CFL1: variants seen among roughly 807,000 people sequenced by gnomAD.
The protein encoded by CFL1 is cofilin 1, also known as cofilin-1.
Under a neutral mutation model 16.3 loss-of-function variants are expected in CFL1, and 2 were observed. The observed-to-expected ratio is 0.12, with a 90% CI of 0.05 to 0.39. CFL1 has a LOEUF of 0.39. Ranked by LOEUF, CFL1 falls within the 10% of genes least tolerant of loss-of-function variation. The pLI is 0.99. For missense variants in CFL1, 75 were observed against 212.2 expected, an observed-to-expected ratio of 0.35 and a Z score of 4.02; for synonymous variants, 111 against 84.4, an observed-to-expected ratio of 1.31 and a Z score of -1.73.
chr11:65,855,073 T>G lies in CFL1; in HGVS notation c.*263A>C. On this transcript the variant is annotated 3_prime_UTR_variant, in exon 4 of 4. Transcript: ENST00000308162. ...AATACAGGCTCCCCCACAACTGGGG[T>G]GCCTGGGGGGAACTTGGTCTGCTTC... 1 of 429,802 alleles carries G rather than the reference T, an allele frequency of 2.3e-6. No individual in the cohort carries two copies. The highest frequency in any genetic ancestry group is 4.3e-6 in the Non-Finnish European group (1 of 232,996). 26.6% of individuals were successfully genotyped at this position (429,802 alleles called of 1,614,324 possible). A position where few individuals can be genotyped will look rare whatever the true frequency, so the allele number is the denominator to read the frequency against.
intron 1 of CFL1, chr11:65,856,778 C>T (rs1565259625): frequency 6.4e-6 from 1 of 155,686 alleles, no homozygotes; most frequent in African/African-American, 2.4e-5. Context: ...TAGGCTCTTT[C>T]CCAACCAAGA....
At chr11:65,857,791 G>A (rs1252618798) in intron 1 of CFL1, 1 of 208,148 alleles carries the variant, frequency 4.8e-6, no homozygotes, top group Non-Finnish European at 9.5e-6. Flanking sequence ...GCGCGACGCC[G>A]GCCGTTCCGC....
At chr11:65,857,418 C>T (rs1474013573) in intron 1 of CFL1, 1 of 436,848 alleles carries the variant, frequency 2.3e-6, no homozygotes, top group Admixed American at 2.4e-5. Flanking sequence ...TTCCAGCCCT[C>T]GCCCGATGCA....
chr11:65,858,138 A>C lies in CFL1; in HGVS notation c.-39T>G, dbSNP rs771359919. On this transcript the variant is annotated 5_prime_UTR_variant, in exon 1 of 4. Transcript: ENST00000308162. The stretch of plus-strand genomic sequence containing the variant: ...AAAAGGAGAGGGCACCGAGAGCCGC[A>C]GAAGACGAGAGCGCTGCAGCCGCTG... 2 of 1,519,428 alleles carry C rather than the reference A, an allele frequency of 1.3e-6. No individual in the cohort carries two copies. Among genetic ancestry groups the C allele is most frequent in the South Asian group, 1.2e-5 (1 of 81,140 alleles). 94.1% of individuals were successfully genotyped at this position (1,519,428 alleles called of 1,614,324 possible).
chr11:65,857,254 G>A (rs1168588274), intron 1 of CFL1: 4 of 282,578 alleles, frequency 1.4e-5, no homozygotes, highest in South Asian at 2.4e-5. Context: ...GTATACAGGG[G>A]GCGGGGTGGT....
Position 65,855,740 on chromosome 11 carries a change from AAC to A in CFL1, c.312-12_312-11del. 6.5e-7 allele frequency: 1 copy of A among 1,534,566 alleles called. No individual in the cohort carries two copies. The highest frequency in any genetic ancestry group is 8.8e-7 in the Non-Finnish European group (1 of 1,142,292). On this transcript the variant is annotated splice_polypyrimidine_tract_variant and intron_variant, in intron 2 of 3. Transcript: ENST00000308162. Reference sequence around the variant, plus strand: ...CGCAGACTCGGGGGCCCTGGACAGAAACACGCGTCAGGCAACTCCCAGCAACA... The same window carrying A: ...CGCAGACTCGGGGGCCCTGGACAGAAACGCGTCAGGCAACTCCCAGCAACA...
At chr11:65,856,654 G>A (rs1026459632) in intron 1 of CFL1, 4 of 223,830 alleles carry the variant, frequency 1.8e-5, no homozygotes, top group East Asian at 2.5e-4. Context: ...CTCCTCTTCA[G>A]AAAGAGCCAA....
chr11:65,857,911 G>GACCGGCCCTCCCC, intron 1 of CFL1, 186 bp downstream of exon 1: 1 of 454,758 alleles, frequency 2.2e-6, no homozygotes, highest in Non-Finnish European at 3.6e-6. Flanking sequence ...GCGACGTCCA[G>GACCGGCCCTCCCC]ACCGGCCCTC....
chr11:65,857,944 G>A lies in CFL1; in HGVS notation c.3+153C>T, dbSNP rs934353112. On this transcript the variant is annotated intron_variant, in intron 1 of 3. Transcript: ENST00000308162. Reference sequence around the variant, plus strand: ...CTCCCCGGCGCCCACGGGCGCGCACGCGCATTCCGGCACCGCCCGCCCCTT... The same window carrying A: ...CTCCCCGGCGCCCACGGGCGCGCACACGCATTCCGGCACCGCCCGCCCCTT... 9 of 710,096 alleles carry A rather than the reference G, an allele frequency of 1.3e-5. No individual in the cohort carries two copies. In the African/African-American group the frequency reaches 1.5e-4, roughly 12 times the overall value. 44.0% of individuals were successfully genotyped at this position (710,096 alleles called of 1,614,324 possible).
Position 65,855,253 on chromosome 11 carries a change from G to T in CFL1, c.*83C>A. ...TGCTGGGATCCCCCCAGCCCCTCCG[G>T]TCTGGCAGGAAGGGGGCAGCCTGCA... On this transcript the variant is annotated 3_prime_UTR_variant, in exon 4 of 4. Coordinates refer to ENST00000308162, the MANE Select transcript of CFL1 (RefSeq NM_005507.3). 8.5e-7 allele frequency: 1 copy of T among 1,175,780 alleles called. No homozygotes were observed. Among genetic ancestry groups the T allele is most frequent in the Non-Finnish European group, 1.3e-6 (1 of 791,524 alleles). The allele number at this position is 1,175,780 out of a possible 1,614,324, so 72.8% of individuals were successfully genotyped here. A position where few individuals can be genotyped will look rare whatever the true frequency, so the allele number is the denominator to read the frequency against.
chr11:65,855,862 G>A, intron 2 of CFL1, 73 bp downstream of exon 2: 2 of 1,547,462 alleles, frequency 1.3e-6, no homozygotes, highest in Admixed American at 3.5e-5. Flanking sequence ...CATCTGGGTT[G>A]ACCAGGAGCC....
In CFL1 at chr11:65,857,662, AG is replaced by A. The variant is rs573015366; in HGVS notation, c.3+434del. ...TGCCGAGGGAGGGTGACGCGCAGAC[AG>A]GAACAGCCTTGGGTGGGGCGCGCGC... is the stretch of plus-strand genomic sequence containing the variant. On this transcript the variant is annotated intron_variant, in intron 1 of 3. Coordinates refer to ENST00000308162, the MANE Select transcript of CFL1 (RefSeq NM_005507.3). 190 of 220,748 alleles carry A rather than the reference AG, an allele frequency of 8.6e-4. 1 individual carries two copies. Among genetic ancestry groups the A allele is most frequent in the African/African-American group, 4.4e-3 (183 of 41,832 alleles). 13.7% of individuals were successfully genotyped at this position (220,748 alleles called of 1,614,324 possible). A position where few individuals can be genotyped will look rare whatever the true frequency, so the allele number is the denominator to read the frequency against.
intron 1 of CFL1, 46 bp from the exon 2 acceptor site, chr11:65,856,288 C>T (rs745644010): frequency 5.7e-6 from 9 of 1,571,620 alleles, no homozygotes; most frequent in Non-Finnish European, 6.9e-6. Flanking sequence ...TTCTAGGGAA[C>T]TGCCCCTTGT....
intron 1 of CFL1, chr11:65,857,238 CGG>C (rs769597359): frequency 7.5e-6 from 2 of 265,628 alleles, no homozygotes; most frequent in Non-Finnish European, 1.6e-5. Flanking sequence ...TCTCAGCCCT[CGG>C]GCCGTATACA....
At position 65,855,635 on chromosome 11, in the gene CFL1, C is replaced by T; in HGVS notation, c.388+19G>A. ...AAGGCCAGAGCAGAAGGGCACTCAGCACCAATGCTGGCCCTTACCTGTCAG... is the reference window on the plus strand; with the variant it reads ...AAGGCCAGAGCAGAAGGGCACTCAGTACCAATGCTGGCCCTTACCTGTCAG... On this transcript the variant is annotated intron_variant, in intron 3 of 3. Coordinates refer to ENST00000308162, the MANE Select transcript of CFL1 (RefSeq NM_005507.3). 6.4e-7 allele frequency: 1 copy of T among 1,562,198 alleles called. No individual in the cohort carries two copies. Among genetic ancestry groups the T allele is most frequent in the Non-Finnish European group, 8.7e-7 (1 of 1,153,090 alleles).
chr11:65,856,030 G>C lies in CFL1; in HGVS notation c.216C>G (p.Val72=), dbSNP rs1248652924. The change falls in exon 2 of 4, where the codon GTC becomes GTG. Residue 72 remains valine (V), a synonymous_variant. Coordinates refer to ENST00000308162, the MANE Select transcript of CFL1 (RefSeq NM_005507.3). ...GGCAGTCCTTATCTGGCAGCATCTT[G>C]ACAAAGGTGGCGTAGGGGTCGTCGA... The part of the protein sequence containing the change: ...QTVDDPYATF[V]KMLPDKDCRY... 6.2e-7 allele frequency: 1 copy of C among 1,614,038 alleles called. No individual in the cohort carries two copies. Among genetic ancestry groups the C allele is most frequent in the Non-Finnish European group, 8.5e-7 (1 of 1,180,036 alleles).
In CFL1 at chr11:65,856,061, T is replaced by C; in HGVS notation, c.185A>G (p.Gln62Arg). The change falls in exon 2 of 4, where the codon CAG becomes CGG. Residue 62 changes from glutamine to arginine, a missense_variant. Gln to Arg is a conservative substitution (Grantham distance 43). Coordinates refer to ENST00000308162, the MANE Select transcript of CFL1 (RefSeq NM_005507.3). ...GKEILVGDVG[Q>R]TVDDPYATFV... The stretch of plus-strand genomic sequence containing the variant: ...GGTGGCGTAGGGGTCGTCGACAGTC[T>C]GGCCCACATCGCCCACCAGGATCTC... 1 of 1,614,166 alleles carries C rather than the reference T, an allele frequency of 6.2e-7. No individual in the cohort carries two copies.
chr11:65,855,546 CAA>C, intron 3 of CFL1, 98 bp from the exon 4 acceptor site: 1 of 1,555,606 alleles, frequency 6.4e-7, no homozygotes, highest in South Asian at 1.1e-5. Context: ...ATGGAAGGAA[CAA>C]GCAGGCAGCG....
rs969194484 is a variant in CFL1 at position 65,854,971 on chromosome 11, G to A, written c.*365C>T. Reference sequence around the variant, plus strand: ...ACACAGAACTAAACAGACAAGCACAGAGTCACTATTGCGGTTAGAAGTTGG... The same window carrying A: ...ACACAGAACTAAACAGACAAGCACAAAGTCACTATTGCGGTTAGAAGTTGG... On this transcript the variant is annotated 3_prime_UTR_variant, in exon 4 of 4. Transcript: ENST00000308162. 72 of 285,264 alleles carry A rather than the reference G, an allele frequency of 2.5e-4. No individual in the cohort carries two copies. Among genetic ancestry groups the A allele is most frequent in the African/African-American group, 1.5e-3 (67 of 45,720 alleles). The allele number at this position is 285,264 out of a possible 1,614,324, so 17.7% of individuals were successfully genotyped here.
Sources: gnomAD v4.1 joint callset for allele counts on GRCh38, gnomAD v4.1.1 for gene constraint, MANE v1.5 for transcripts, NCBI Gene and HGNC (gene_info 2026-07-23, HGNC 2026-07-21) for gene names.